ZC3H12B: variants seen among roughly 807,000 people sequenced by gnomAD.
ZC3H12B encodes the protein probable ribonuclease ZC3H12B.
ZC3H12B carries 7 observed loss-of-function variants against 43.9 expected under a neutral mutation model. The observed-to-expected ratio is 0.16, with a 90% CI of 0.09 to 0.30. The LOEUF (loss-of-function observed/expected upper bound fraction) is 0.30, where lower values mean the gene tolerates loss of function less well. Among genes scored for constraint, ZC3H12B ranks in the 10% least tolerant of loss-of-function variants. ZC3H12B has a pLI of 1.00. For missense variants in ZC3H12B, 475 were observed against 670.2 expected (o/e 0.71, Z 3.22); for synonymous variants, 222 against 241.7 (o/e 0.92, Z 0.76).
chrX:65,462,631 C>T (rs747230101), intron 3 of ZC3H12B, among the ~76,000 whole-genome samples: 1 of 112,157 alleles, frequency 8.9e-6, no homozygotes, highest in South Asian at 3.7e-4. Context: ...CATAGCTTGA[C>T]CTTAGAAGGC....
At chrX:65,334,119 G>C in the ZC3H12B span, among the ~76,000 whole-genome samples, 1 of 111,798 alleles carries the variant, frequency 8.9e-6, no homozygotes, top group Non-Finnish European at 1.9e-5. Flanking sequence ...AAATGTATCC[G>C]ATCTTAATCA....
the ZC3H12B span, among the ~76,000 whole-genome samples, chrX:65,222,351 G>T: frequency 1.1e-4 from 12 of 110,524 alleles, no homozygotes; most frequent in African/African-American, 3.9e-4. Flanking sequence ...CCTAGACAGA[G>T]CAATCAGAAA....
intron 2 of ZC3H12B, among the ~76,000 whole-genome samples, chrX:65,394,613 T>C (rs1183773428): frequency 8.9e-6 from 1 of 111,831 alleles, no homozygotes; most frequent in East Asian, 2.8e-4. Context: ...AGCCTTGTAG[T>C]ATAGTTTGAA....
At chrX:65,483,477 A>C (rs1413851443) in intron 3 of ZC3H12B, among the ~76,000 whole-genome samples, 1 of 111,711 alleles carries the variant, frequency 9.0e-6, no homozygotes, top group Non-Finnish European at 1.9e-5. Context: ...TTTGCCTCCA[A>C]AGTATCTGAG....
chrX:65,236,319 T>C, the ZC3H12B span, among the ~76,000 whole-genome samples: 1 of 112,342 alleles, frequency 8.9e-6, no homozygotes, highest in Non-Finnish European at 1.9e-5. Flanking sequence ...AGCTTTTTTT[T>C]CATATGTTTC....
chrX:65,207,968 G>A, the ZC3H12B span, among the ~76,000 whole-genome samples: 1 of 2,877 alleles, frequency 3.5e-4, no homozygotes, highest in Non-Finnish European at 6.5e-4. Flanking sequence ...CCATGATTTG[G>A]CTCTCTGTTT....
the ZC3H12B span, among the ~76,000 whole-genome samples, chrX:65,049,068 T>G: frequency 9.0e-6 from 1 of 111,666 alleles, no homozygotes; most frequent in Non-Finnish European, 1.9e-5. Flanking sequence ...GTTTGGATAT[T>G]AACTCCTTAT....
the ZC3H12B span, among the ~76,000 whole-genome samples, chrX:65,146,395 G>T: frequency 9.0e-6 from 1 of 111,487 alleles, no homozygotes; most frequent in African/African-American, 3.3e-5. Context: ...CTTACATTGG[G>T]CTTCACCTTT....
the ZC3H12B span, among the ~76,000 whole-genome samples, chrX:65,205,079 G>C: frequency 8.9e-6 from 1 of 112,112 alleles, no homozygotes; most frequent in Non-Finnish European, 1.9e-5. Context: ...TGTATTGTAG[G>C]AATGGTAGCT....
the ZC3H12B span, among the ~76,000 whole-genome samples, chrX:65,275,506 G>A: frequency 8.9e-6 from 1 of 112,956 alleles, no homozygotes; most frequent in African/African-American, 3.2e-5. Context: ...CTGAGAAATA[G>A]TTTAGCAAGC....
At chrX:65,228,569 A>G in the ZC3H12B span, among the ~76,000 whole-genome samples, 5 of 111,132 alleles carry the variant, frequency 4.5e-5, no homozygotes, top group African/African-American at 1.6e-4. Flanking sequence ...AAGGGTATTC[A>G]ATTAGGAAAA....
At chrX:65,111,390 A>C in the ZC3H12B span, among the ~76,000 whole-genome samples, 3 of 111,056 alleles carry the variant, frequency 2.7e-5, no homozygotes, top group Admixed American at 9.6e-5. Context: ...AAGTTGAGGA[A>C]GTTCCCATGT....
At chrX:65,069,786 C>T in the ZC3H12B span, among the ~76,000 whole-genome samples, 10 of 112,016 alleles carry the variant, frequency 8.9e-5, no homozygotes, top group Admixed American at 8.5e-4. Flanking sequence ...ACCCTGCATC[C>T]CAGGGATGAA....
chrX:65,346,373 G>A, the ZC3H12B span, among the ~76,000 whole-genome samples: 5 of 110,937 alleles, frequency 4.5e-5, no homozygotes, highest in African/African-American at 1.6e-4. Context: ...GCAAGCAATG[G>A]GGAAAGGAAT....
the ZC3H12B span, among the ~76,000 whole-genome samples, chrX:65,341,796 CAA>C: frequency 4.1e-5 from 4 of 97,794 alleles, no homozygotes; most frequent in Non-Finnish European, 6.2e-5. Flanking sequence ...AAAGCAACCA[CAA>C]AAAAAAAAAA....
chrX:65,472,088 A>C (rs908174254), intron 3 of ZC3H12B, among the ~76,000 whole-genome samples: 4 of 111,804 alleles, frequency 3.6e-5, no homozygotes, highest in Non-Finnish European at 5.6e-5. Context: ...TTGCTGCATA[A>C]AAATATCTTT....
At chrX:65,320,355 A>G in the ZC3H12B span, among the ~76,000 whole-genome samples, 3 of 111,638 alleles carry the variant, frequency 2.7e-5, no homozygotes, top group African/African-American at 9.8e-5. Context: ...TTAAAAATAT[A>G]TACAATGAGA....
intron 3 of ZC3H12B, among the ~76,000 whole-genome samples, chrX:65,453,400 AT>A (rs1569414450): frequency 1.5e-4 from 13 of 86,610 alleles, no homozygotes; most frequent in East Asian, 7.4e-4. Flanking sequence ...ATATATATAT[AT>A]ATAAAATAGA....
chrX:65,408,421 G>A (rs1010172566), intron 3 of ZC3H12B: 3 of 1,208,185 alleles, frequency 2.5e-6, no homozygotes, highest in Non-Finnish European at 3.4e-6. Flanking sequence ...GTGCCAAACA[G>A]GTGACCATGG....
Sources: allele counts gnomAD v4.1 joint callset (sites outside exome capture counted in the v4.1 genomes callset), GRCh38; gene constraint gnomAD v4.1.1; transcripts MANE v1.5; gene names NCBI Gene and HGNC (gene_info 2026-07-23, HGNC 2026-07-21).